The following GRID1 variants were observed in gnomAD, a reference collection of about 807,000 sequenced individuals.
GRID1 encodes the protein glutamate receptor ionotropic, delta-1.
A neutral mutation model predicts 98.0 loss-of-function variants in GRID1; 28 were observed. That is an observed-to-expected ratio of 0.29 (90% CI 0.21 to 0.39). The LOEUF is 0.39. Ranked by LOEUF, GRID1 falls within the 10% of genes least tolerant of loss-of-function variation. The pLI is 1.00. For missense variants in GRID1, 1,111 were observed against 1,340.5 expected (o/e 0.83, Z 2.67); for synonymous variants, 553 against 538.5 (o/e 1.03, Z -0.37).
At chr10:86,208,756 C>G (rs761848378) in intron 2 of GRID1, among the ~76,000 whole-genome samples, 1 of 152,218 alleles carries the variant, frequency 6.6e-6, no homozygotes, top group Non-Finnish European at 1.5e-5. Context: ...CATCCTTTCC[C>G]AGACACAGGC....
chr10:85,786,425 T>A (rs1842429804), intron 8 of GRID1, among the ~76,000 whole-genome samples: 1 of 152,202 alleles, frequency 6.6e-6, no homozygotes, highest in Non-Finnish European at 1.5e-5. Flanking sequence ...CTAGCATTGA[T>A]GTGACAACCC....
chr10:85,873,770 G>A (rs762989020), intron 5 of GRID1, among the ~76,000 whole-genome samples: 2 of 152,132 alleles, frequency 1.3e-5, no homozygotes, highest in South Asian at 4.1e-4. Context: ...CTCAAACTTC[G>A]TTGTGTATCA....
chr10:85,763,776 C>A (rs17105862), intron 8 of GRID1, among the ~76,000 whole-genome samples: 2,212 of 152,274 alleles, frequency 0.015, 56 homozygotes, highest in African/African-American at 0.049. Context: ...TCTGACATTT[C>A]AGTTTAATCA....
At chr10:85,815,205 T>TA (rs1476119017) in intron 8 of GRID1, among the ~76,000 whole-genome samples, 2 of 151,992 alleles carry the variant, frequency 1.3e-5, no homozygotes, top group Non-Finnish European at 2.9e-5. Context: ...CTATTCATGA[T>TA]AAAAACTCTC....
intron 12 of GRID1, among the ~76,000 whole-genome samples, chr10:85,719,773 T>C (rs1402412921): frequency 2.0e-5 from 3 of 152,120 alleles, no homozygotes; most frequent in Non-Finnish European, 4.4e-5. Flanking sequence ...AGCCTATGCC[T>C]CAAACTTCAT....
chr10:86,054,059 C>T (rs1181831959), intron 4 of GRID1, among the ~76,000 whole-genome samples: 2 of 152,156 alleles, frequency 1.3e-5, no homozygotes, highest in Non-Finnish European at 2.9e-5. Flanking sequence ...AAGTTCTGTC[C>T]TTATGCCTAG....
chr10:85,975,307 G>A (rs1222760859), intron 4 of GRID1, among the ~76,000 whole-genome samples: 2 of 152,178 alleles, frequency 1.3e-5, no homozygotes, highest in East Asian at 1.9e-4. Context: ...CCTTGCTGAG[G>A]TGCAGGGTGG....
chr10:86,142,312 T>C (rs1228216445), intron 3 of GRID1, among the ~76,000 whole-genome samples: 1 of 152,194 alleles, frequency 6.6e-6, no homozygotes, highest in Non-Finnish European at 1.5e-5. Flanking sequence ...TAGATCGAGG[T>C]CATTGGATGC....
chr10:85,793,348 C>A (rs957254874), intron 8 of GRID1, among the ~76,000 whole-genome samples: 9 of 152,224 alleles, frequency 5.9e-5, no homozygotes, highest in Non-Finnish European at 1.0e-4. Context: ...TCAAGCTGCA[C>A]TTGAACCTCC....
At chr10:85,739,091 ATG>A (rs991656519) in intron 8 of GRID1, among the ~76,000 whole-genome samples, 218 of 152,292 alleles carry the variant, frequency 1.4e-3, no homozygotes, top group African/African-American at 5.0e-3. Context: ...ATATATATAT[ATG>A]GCACATACTT....
chr10:85,946,482 A>G (rs957158027), intron 4 of GRID1, among the ~76,000 whole-genome samples: 1 of 152,250 alleles, frequency 6.6e-6, no homozygotes, highest in Non-Finnish European at 1.5e-5. Context: ...TGACACACCA[A>G]GGAATCAATT....
chr10:86,298,289 G>A (rs1847624006), intron 2 of GRID1, among the ~76,000 whole-genome samples: 1 of 152,186 alleles, frequency 6.6e-6, no homozygotes, highest in Non-Finnish European at 1.5e-5. Flanking sequence ...AACCAAAGCT[G>A]TAGTTGTGCC....
chr10:85,651,705 G>A (rs1015462784), intron 12 of GRID1, among the ~76,000 whole-genome samples: 3 of 152,166 alleles, frequency 2.0e-5, no homozygotes, highest in Admixed American at 6.5e-5. Context: ...GCAAGGAACT[G>A]CTCAGGAAGA....
intron 12 of GRID1, 56 bp downstream of exon 12, chr10:85,722,947 T>A (rs1023223144): frequency 7.9e-6 from 12 of 1,513,806 alleles, no homozygotes; most frequent in Non-Finnish European, 1.1e-5. Flanking sequence ...AAGGTTTACA[T>A]CCTCTTTAAA....
intron 8 of GRID1, among the ~76,000 whole-genome samples, chr10:85,807,542 G>C (rs2131742405): frequency 6.6e-6 from 1 of 151,930 alleles, no homozygotes; most frequent in East Asian, 1.9e-4. Context: ...GTTAGAAAGA[G>C]ATAAATATTC....
chr10:86,071,887 G>A (rs541333795), intron 4 of GRID1, among the ~76,000 whole-genome samples: 5 of 152,220 alleles, frequency 3.3e-5, no homozygotes, highest in African/African-American at 1.2e-4. Flanking sequence ...CCTGGAGGAG[G>A]AGGCAGAACC....
chr10:86,129,292 C>G (rs963611439), intron 4 of GRID1, among the ~76,000 whole-genome samples: 1 of 152,318 alleles, frequency 6.6e-6, no homozygotes, highest in African/African-American at 2.4e-5. Context: ...TTCACCTAGT[C>G]TGCTCTGTGT....
intron 13 of GRID1, among the ~76,000 whole-genome samples, chr10:85,643,445 T>TGG (rs1308278069): frequency 6.6e-6 from 1 of 152,200 alleles, no homozygotes; most frequent in Non-Finnish European, 1.5e-5. Context: ...GTCTGCTCTC[T>TGG]GGGCTCAGGG....
At chr10:86,131,072 A>C (rs1309025473) in intron 4 of GRID1, among the ~76,000 whole-genome samples, 1 of 152,208 alleles carries the variant, frequency 6.6e-6, no homozygotes, top group African/African-American at 2.4e-5. Context: ...CCATGTGCAG[A>C]GAATGGCACC....
Sources: allele counts gnomAD v4.1 joint callset (sites outside exome capture counted in the v4.1 genomes callset), GRCh38; gene constraint gnomAD v4.1.1; transcripts MANE v1.5; gene names NCBI Gene and HGNC (gene_info 2026-07-23, HGNC 2026-07-21).